The following PHGDH variants were observed in gnomAD, a reference collection of about 807,000 sequenced individuals.
PHGDH encodes phosphoglycerate dehydrogenase.
A neutral mutation model predicts 52.6 loss-of-function variants in PHGDH; 50 were observed. That is an observed-to-expected ratio of 0.95 (90% CI 0.76 to 1.20). PHGDH has a LOEUF of 1.20. Among genes scored for constraint, PHGDH ranks in the 50% most tolerant of loss-of-function variants. The pLI, the probability that PHGDH is intolerant of heterozygous loss-of-function variation, is 0.00. For missense variants in PHGDH, 630 were observed against 684.6 expected (o/e 0.92, Z 0.89); for synonymous variants, 271 against 280.5 (o/e 0.97, Z 0.34).
At chr1:119,728,594 A>G (rs1651553085) in intron 5 of PHGDH, among the ~76,000 whole-genome samples, 1 of 152,028 alleles carries the variant, frequency 6.6e-6, no homozygotes, top group African/African-American at 2.4e-5. Context: ...CCTGATTGCA[A>G]CCCTCTGGTT....
In PHGDH at chr1:119,741,846, G is replaced by A. The variant is rs144484007; in HGVS notation, c.1158G>A (p.Ala386=). ...TCCTGAAAGAGGCTTCCAAGCAGGC[G>A]GATGTGAACTTGGTGAACGCTAAGC... The part of the protein sequence containing the change: ...VGLLKEASKQ[A]DVNLVNAKLL... Residue 386 remains alanine, a synonymous_variant, in exon 10 of 12, where the codon GCG becomes GCA. Coordinates refer to ENST00000641023, the MANE Select transcript of PHGDH (RefSeq NM_006623.4). 8.6e-5 allele frequency: 139 copies of A among 1,613,850 alleles called. 1 individual carries two copies. In the Middle Eastern group the frequency reaches 1.8e-3, roughly 21 times the overall value.
rs918264600 is a variant in PHGDH at position 119,740,598 on chromosome 1, C to A, written c.1078+80C>A. 11 of 1,259,568 alleles carry A rather than the reference C, an allele frequency of 8.7e-6. No individual in the cohort carries two copies. In the African/African-American group the frequency reaches 1.5e-4, roughly 17 times the overall value. 78.0% of individuals were successfully genotyped at this position (1,259,568 alleles called of 1,614,324 possible). ...TCTGCCCTGCTGGGTGTATTTGCTG[C>A]AGGACACAGGGTTAGTGAGAGGCAG... On this transcript the variant is annotated intron_variant, in intron 9 of 11. Transcript: ENST00000641023.
At chr1:119,731,523 A>G (rs1194296907) in intron 5 of PHGDH, among the ~76,000 whole-genome samples, 1 of 152,182 alleles carries the variant, frequency 6.6e-6, no homozygotes, top group African/African-American at 2.4e-5. Context: ...AGAGGGTTGG[A>G]TGTTGAACCT....
At chr1:119,714,258 G>C (rs992531679) in intron 1 of PHGDH, among the ~76,000 whole-genome samples, 2 of 152,066 alleles carry the variant, frequency 1.3e-5, no homozygotes, top group African/African-American at 4.8e-5. Flanking sequence ...AGGAAGCTTC[G>C]GCAGCGTTGC....
At position 119,717,232 on chromosome 1, in the gene PHGDH, C is replaced by CAAAAAAAAAAAAAA. The variant is rs58549149; in HGVS notation, c.139-3922_139-3909dup. Among the ~76,000 whole-genome samples the CAAAAAAAAAAAAAA allele has an allele frequency of 2.4e-4, 9 of 37,352 alleles. 2 individuals carry two copies. Among genetic ancestry groups the CAAAAAAAAAAAAAA allele is most frequent in the East Asian group, 1.9e-3 (2 of 1,038 alleles). The allele number at this position is 37,352 out of a possible 152,430, so 24.5% of individuals were successfully genotyped here. A position where few individuals can be genotyped will look rare whatever the true frequency, so the allele number is the denominator to read the frequency against. Reference sequence around the variant, plus strand: ...GGGCAATAAGAGTGAAACTCTGTCTCAAAAAAAAAAAAAAAAAAAAAAAAA... The same window carrying CAAAAAAAAAAAAAA: ...GGGCAATAAGAGTGAAACTCTGTCTCAAAAAAAAAAAAAAAAAAAAAAAAAAAAAAAAAAAAAAA... On this transcript the variant is annotated intron_variant, in intron 1 of 11. Coordinates refer to ENST00000641023, the MANE Select transcript of PHGDH (RefSeq NM_006623.4).
chr1:119,735,333 G>T lies in PHGDH; in HGVS notation c.682G>T (p.Gly228Trp), dbSNP rs139063843. 2,328 of 1,614,216 alleles carry T rather than the reference G, an allele frequency of 1.4e-3. 5 individuals are homozygous for T. The highest frequency in any genetic ancestry group is 1.8e-3 in the Non-Finnish European group (2,136 of 1,180,038). The change falls in exon 7 of 12, where the codon GGG (glycine) becomes TGG (tryptophan). Residue 228 changes from glycine (G) to tryptophan (W), a missense_variant. Physicochemically the swap from Gly to Trp is radical, Grantham distance 184. Coordinates refer to ENST00000641023, the MANE Select transcript of PHGDH (RefSeq NM_006623.4). ...NDNTFAQCKKGVRVVNCARGG... is the reference protein window; with the variant it reads ...NDNTFAQCKKWVRVVNCARGG... Reference sequence around the variant, plus strand: ...CAACACCTTTGCCCAGTGCAAGAAGGGGGTGCGTGTGGTGAACTGTGCCCG... The same window carrying T: ...CAACACCTTTGCCCAGTGCAAGAAGTGGGTGCGTGTGGTGAACTGTGCCCG...
intron 10 of PHGDH, chr1:119,742,458 G>T: frequency 2.1e-6 from 1 of 465,236 alleles, no homozygotes; most frequent in Non-Finnish European, 4.0e-6. Flanking sequence ...TGCCAGTCAT[G>T]CCACTGATGC....
At chr1:119,718,878 A>C (rs1342738362) in intron 1 of PHGDH, among the ~76,000 whole-genome samples, 1 of 152,190 alleles carries the variant, frequency 6.6e-6, no homozygotes, top group East Asian at 1.9e-4. Flanking sequence ...AGAGAGGACA[A>C]CTAGATATGA....
chr1:119,712,040 G>T lies in PHGDH; in HGVS notation c.18G>T (p.Leu6=), dbSNP rs771923931. 4.3e-6 allele frequency: 7 copies of T among 1,614,186 alleles called. No individual in the cohort carries two copies. Among genetic ancestry groups the T allele is most frequent in the Non-Finnish European group, 5.9e-6 (7 of 1,180,038 alleles). MAFAN[L]RKVLISDSLD... is the part of the protein sequence containing the mutation. Reference sequence around the variant, plus strand: ...CTCCAGCAATGGCTTTTGCAAATCTGCGGAAAGTGCTCATCAGTGACAGCC... The same window carrying T: ...CTCCAGCAATGGCTTTTGCAAATCTTCGGAAAGTGCTCATCAGTGACAGCC... Residue 6 remains leucine, a synonymous_variant, in exon 1 of 12, where the codon CTG becomes CTT. Transcript: ENST00000641023.
At chr1:119,723,222 G>A (rs1426192935) in intron 2 of PHGDH, among the ~76,000 whole-genome samples, 154 bp from the exon 3 acceptor site, 1 of 152,140 alleles carries the variant, frequency 6.6e-6, no homozygotes, top group Non-Finnish European at 1.5e-5. Context: ...CTTGGCTTAG[G>A]GCGAGAGTAC....
chr1:119,723,894 C>G lies in PHGDH; in HGVS notation c.356+453C>G, dbSNP rs778808167. ...GCTAGGCTATGTCCCTCACTGATTC[C>G]CCTGGCCCTCAGGGCTTATCTCTGT... On this transcript the variant is annotated intron_variant, in intron 3 of 11. Transcript: ENST00000641023. Among the ~76,000 whole-genome samples the G allele has an allele frequency of 2.0e-5, 3 of 152,000 alleles. No homozygotes were observed. The South Asian group carries it at 6.2e-4, about 32-fold the overall frequency.
intron 5 of PHGDH, chr1:119,729,861 G>A (rs963740121): frequency 2.6e-5 from 4 of 152,232 alleles, no homozygotes; most frequent in Non-Finnish European, 4.4e-5. Flanking sequence ...GCATGGTGTG[G>A]AGGGTGCCAG....
rs1255433786 is a variant in PHGDH, at chr1:119,743,830, C to T, written c.1448-56C>T. On this transcript the variant is annotated intron_variant, in intron 11 of 11. Transcript: ENST00000641023. The stretch of plus-strand genomic sequence containing the variant: ...TGAACTTCTGATTCTGCTCCCAATC[C>T]CTCGCTCCTTTTTCCCCTATCCCCT... 13 of 1,353,436 alleles carry T rather than the reference C, an allele frequency of 9.6e-6. No homozygotes were observed. In the East Asian group the frequency reaches 3.0e-4, roughly 31 times the overall value. The allele number at this position is 1,353,436 out of a possible 1,614,324, so 83.8% of individuals were successfully genotyped here.
At chr1:119,717,212 A>AT (rs1374124503) in intron 1 of PHGDH, among the ~76,000 whole-genome samples, 1 of 134,012 alleles carries the variant, frequency 7.5e-6, no homozygotes, top group Non-Finnish European at 1.6e-5. Flanking sequence ...AGCCTGGGCA[A>AT]TAAGAGTGAA....
rs1407833179 is a variant in PHGDH at position 119,723,543 on chromosome 1, AGCGACTTGCAGACTGCTAAGAAG to A, written c.356+108_356+130del. ...GAAAAACTTAGAAACATTTCGTCTC[AGCGACTTGCAGACTGCTAAGAAG>A]GCGACATGCAGACTGCAAAGAACCT... On this transcript the variant is annotated intron_variant, in intron 3 of 11. Transcript: ENST00000641023. 5 of 903,250 alleles carry A rather than the reference AGCGACTTGCAGACTGCTAAGAAG, an allele frequency of 5.5e-6. No individual in the cohort carries two copies. The East Asian group carries it at 1.2e-4, about 22-fold the overall frequency. 56.0% of individuals were successfully genotyped at this position (903,250 alleles called of 1,614,324 possible).
At chr1:119,717,166 A>G (rs1019070174) in intron 1 of PHGDH, among the ~76,000 whole-genome samples, 2 of 132,800 alleles carry the variant, frequency 1.5e-5, no homozygotes, top group African/African-American at 5.5e-5. Flanking sequence ...CGGGAGGCGG[A>G]GGTTGCAGTG....
chr1:119,739,851 C>A (rs1652109633), intron 8 of PHGDH: 1 of 159,576 alleles, frequency 6.3e-6, no homozygotes, highest in Non-Finnish European at 1.4e-5. Context: ...TCACAACATG[C>A]CTCACAGTGG....
At chr1:119,724,522 G>A (rs755556429) in intron 3 of PHGDH, 6 of 359,772 alleles carry the variant, frequency 1.7e-5, no homozygotes, top group Non-Finnish European at 2.7e-5. Flanking sequence ...AGCTTACACA[G>A]CAGTAGGGTC....
chr1:119,717,168 G>T (rs879002728), intron 1 of PHGDH, among the ~76,000 whole-genome samples: 4 of 133,708 alleles, frequency 3.0e-5, no homozygotes, highest in African/African-American at 8.7e-5. Flanking sequence ...GGAGGCGGAG[G>T]TTGCAGTGAG....
Sources: gnomAD v4.1 joint callset for allele counts (sites outside exome capture counted in the v4.1 genomes callset) on GRCh38, gnomAD v4.1.1 for gene constraint, MANE v1.5 for transcripts, NCBI Gene and HGNC (gene_info 2026-07-23, HGNC 2026-07-21) for gene names.